The following DR1 variants were observed in gnomAD, a reference collection of about 807,000 sequenced individuals.
DR1 encodes the protein protein Dr1.
In DR1, 7 loss-of-function variants were observed where a neutral mutation model predicts 19.9. That is an observed-to-expected ratio of 0.35 (90% CI 0.20 to 0.66). The LOEUF (loss-of-function observed/expected upper bound fraction) is 0.66. Among genes scored for constraint, DR1 ranks in the 30% least tolerant of loss-of-function variants. DR1 has a pLI of 0.66. For missense variants in DR1, 98 were observed against 203.7 expected (o/e 0.48, Z 3.16); for synonymous variants, 76 against 72.5 (o/e 1.05, Z -0.24).
rs1397249935 is a variant in DR1, at chr1:93,363,233, A to C, written c.*2594A>C. ...TGAAAGTTACTATCCTGACTTCTAAAATCATAGATTAGTTTTGCCTGTTTT... is the reference window on the plus strand; with the variant it reads ...TGAAAGTTACTATCCTGACTTCTAACATCATAGATTAGTTTTGCCTGTTTT... On this transcript the variant is annotated 3_prime_UTR_variant, in exon 3 of 3. Coordinates refer to ENST00000370272, the MANE Select transcript of DR1 (RefSeq NM_001938.3). The C allele has an allele frequency of 1.3e-5, 2 of 152,166 alleles. No homozygotes were observed. The highest frequency in any genetic ancestry group is 2.9e-5 in the Non-Finnish European group (2 of 68,030). The allele number at this position is 152,166 out of a possible 1,614,324, so 9.4% of individuals were successfully genotyped here.
rs1667093796 is a variant in DR1 at position 93,364,431 on chromosome 1, C to A, written c.*3792C>A. On this transcript the variant is annotated 3_prime_UTR_variant, in exon 3 of 3. Coordinates refer to ENST00000370272, the MANE Select transcript of DR1 (RefSeq NM_001938.3). Reference sequence around the variant, plus strand: ...AACCTCATTAAAATGCATGATATTTCCTTATATAGGTTTCTAAATTATGTC... The same window carrying A: ...AACCTCATTAAAATGCATGATATTTACTTATATAGGTTTCTAAATTATGTC... The A allele has an allele frequency of 6.6e-6, 1 of 152,066 alleles. No homozygotes were observed. The highest frequency in any genetic ancestry group is 1.5e-5 in the Non-Finnish European group (1 of 68,004). The allele number at this position is 152,066 out of a possible 1,614,324, so 9.4% of individuals were successfully genotyped here. A position where few individuals can be genotyped will look rare whatever the true frequency, so the allele number is the denominator to read the frequency against.
chr1:93,350,143 TTC>T (rs1666899106), intron 1 of DR1, among the ~76,000 whole-genome samples: 1 of 152,204 alleles, frequency 6.6e-6, no homozygotes, highest in Non-Finnish European at 1.5e-5. Flanking sequence ...TATCTTTTAT[TTC>T]TGTTTTCCTT....
At chr1:93,350,132 A>G (rs1365831297) in intron 1 of DR1, among the ~76,000 whole-genome samples, 1 of 152,178 alleles carries the variant, frequency 6.6e-6, no homozygotes, top group Admixed American at 6.5e-5. Flanking sequence ...TTAAATTAAT[A>G]TATCTTTTAT....
Position 93,353,954 on chromosome 1 carries a change from A to C in DR1, c.267A>C (p.Glu89Asp). ...GCTCTTACATCAGTGAAGTAAAAGAAGTCTTGCAAGAGTGTAAAACAGTAG... is the reference window on the plus strand; with the variant it reads ...GCTCTTACATCAGTGAAGTAAAAGACGTCTTGCAAGAGTGTAAAACAGTAG... ...GFGSYISEVK[E>D]VLQECKTVAL... Residue 89 changes from glutamate to aspartate, a missense_variant, in exon 2 of 3, where the codon GAA (glutamate) becomes GAC (aspartate). By Grantham distance (45) the Glu-to-Asp change is conservative. Transcript: ENST00000370272. 6.2e-7 allele frequency: 1 copy of C among 1,612,384 alleles called. No homozygotes were observed.
Position 93,346,639 on chromosome 1 carries a change from A to C in DR1, c.-7A>C. On this transcript the variant is annotated 5_prime_UTR_variant, in exon 1 of 3. Coordinates refer to ENST00000370272, the MANE Select transcript of DR1 (RefSeq NM_001938.3). ...AAAAGCCGGGGCGCGAGAAACAGGA[A>C]GGTACTATGGCTTCCTCGTCTGGCA... 1 of 1,612,336 alleles carries C rather than the reference A, an allele frequency of 6.2e-7. No individual in the cohort carries two copies. The highest frequency in any genetic ancestry group is 8.5e-7 in the Non-Finnish European group (1 of 1,178,846).
At chr1:93,360,174 T>C (rs1445733097) in intron 2 of DR1, among the ~76,000 whole-genome samples, 5 of 151,918 alleles carry the variant, frequency 3.3e-5, no homozygotes, top group Non-Finnish European at 2.9e-5. Context: ...TTGTGGGTTT[T>C]TCACAATATT....
At position 93,366,263 on chromosome 1, in the gene DR1, A is replaced by G. The variant is rs1033971423; in HGVS notation, c.*5624A>G. 4 of 152,336 alleles carry G rather than the reference A, an allele frequency of 2.6e-5. No individual in the cohort carries two copies. The highest frequency in any genetic ancestry group is 9.6e-5 in the African/African-American group (4 of 41,578). The allele number at this position is 152,336 out of a possible 1,614,324, so 9.4% of individuals were successfully genotyped here. On this transcript the variant is annotated 3_prime_UTR_variant, in exon 3 of 3. Transcript: ENST00000370272. ...TCTTAAAGGCCAAATATGCCGTAGT[A>G]TGTAAATACCGTATTTTGTTTATCA...
At position 93,361,778 on chromosome 1, in the gene DR1, T is replaced by G. The variant is rs1324623907; in HGVS notation, c.*1139T>G. On this transcript the variant is annotated 3_prime_UTR_variant, in exon 3 of 3. Coordinates refer to ENST00000370272, the MANE Select transcript of DR1 (RefSeq NM_001938.3). ...GATCAGCCCTATATGAATTAACTGA[T>G]CAGCCCTATATGAAACATAAGTTGT... is the stretch of plus-strand genomic sequence containing the variant. 6.6e-6 allele frequency: 1 copy of G among 152,478 alleles called. No homozygotes were observed. The highest frequency in any genetic ancestry group is 1.5e-5 in the Non-Finnish European group (1 of 67,914). The allele number at this position is 152,478 out of a possible 1,614,324, so 9.4% of individuals were successfully genotyped here.
chr1:93,358,326 T>G (rs1270010111), intron 2 of DR1, among the ~76,000 whole-genome samples: 1 of 151,122 alleles, frequency 6.6e-6, no homozygotes, highest in Non-Finnish European at 1.5e-5. Flanking sequence ...TGTTGCCATA[T>G]GGGGCTATCG....
rs1331045694 is a variant in DR1, at chr1:93,367,195, A to T, written c.*6556A>T. On this transcript the variant is annotated 3_prime_UTR_variant, in exon 3 of 3. Transcript: ENST00000370272. ...AAAATTATTTACCCAATATTTGGCG[A>T]ATCAGTGAGTGACAGCAGTTGTAGT... 1 of 151,898 alleles carries T rather than the reference A, an allele frequency of 6.6e-6. No individual in the cohort carries two copies. Among genetic ancestry groups the T allele is most frequent in the African/African-American group, 2.4e-5 (1 of 41,292 alleles). The allele number at this position is 151,898 out of a possible 1,614,324, so 9.4% of individuals were successfully genotyped here. A position where few individuals can be genotyped will look rare whatever the true frequency, so the allele number is the denominator to read the frequency against.
chr1:93,357,518 A>AAAATAAATAAAT (rs3067471), intron 2 of DR1, among the ~76,000 whole-genome samples: 1,995 of 149,188 alleles, frequency 0.013, 23 homozygotes, highest in South Asian at 0.036. Context: ...CCCCATCTCT[A>AAAATAAATAAAT]AAATAAATAA....
chr1:93,354,818 A>G (rs1666958593), intron 2 of DR1, among the ~76,000 whole-genome samples: 2 of 152,188 alleles, frequency 1.3e-5, no homozygotes, highest in African/African-American at 4.8e-5. Flanking sequence ...TTTGGTTTAC[A>G]TCAAACTGCA....
rs1667089304 is a variant in DR1 at position 93,363,899 on chromosome 1, T to C, written c.*3260T>C. On this transcript the variant is annotated 3_prime_UTR_variant, in exon 3 of 3. Coordinates refer to ENST00000370272, the MANE Select transcript of DR1 (RefSeq NM_001938.3). ...ATCCAAAAGTTATTCATTCTCCCAT[T>C]AATAGTCTTTTGAGAATTTTTCAAT... 6.6e-6 allele frequency: 1 copy of C among 152,252 alleles called. No homozygotes were observed. Among genetic ancestry groups the C allele is most frequent in the Non-Finnish European group, 1.5e-5 (1 of 68,038 alleles). 9.4% of individuals were successfully genotyped at this position (152,252 alleles called of 1,614,324 possible).
At chr1:93,353,493 T>A (rs181654397) in intron 1 of DR1, among the ~76,000 whole-genome samples, 3 of 152,224 alleles carry the variant, frequency 2.0e-5, no homozygotes, top group Admixed American at 2.0e-4. Flanking sequence ...GTTCTTTTAT[T>A]CTGTCCTACC....
rs1280841194 is a variant in DR1 at position 93,360,613 on chromosome 1, G to A, written c.505G>A (p.Asp169Asn). ...ATCTAATCAGGCGGGATCTTCTCAG[G>A]ATGAAGAAGATGATGATGATATCTG... is the stretch of plus-strand genomic sequence containing the variant. ...SASNQAGSSQ[D>N]EEDDDDI Residue 169 changes from aspartate to asparagine, a missense_variant, in exon 3 of 3, where the codon GAT becomes AAT. Physicochemically the swap from Asp to Asn is conservative, Grantham distance 23 (BLOSUM62 1). Transcript: ENST00000370272. The A allele has an allele frequency of 9.4e-6, 15 of 1,589,290 alleles. No homozygotes were observed. The highest frequency in any genetic ancestry group is 1.2e-5 in the Non-Finnish European group (14 of 1,171,592).
Position 93,367,587 on chromosome 1 carries a change from C to T in DR1, c.*6948C>T, listed in dbSNP as rs1667182257. 1 of 152,208 alleles carries T rather than the reference C, an allele frequency of 6.6e-6. No homozygotes were observed. Among genetic ancestry groups the T allele is most frequent in the South Asian group, 2.1e-4 (1 of 4,832 alleles). 9.4% of individuals were successfully genotyped at this position (152,208 alleles called of 1,614,324 possible). Reference sequence around the variant, plus strand: ...GGGACCATTTAGCTGTACCAATTCACCTAACGTGCATCTTTGGGAATTGAG... The same window carrying T: ...GGGACCATTTAGCTGTACCAATTCATCTAACGTGCATCTTTGGGAATTGAG... On this transcript the variant is annotated 3_prime_UTR_variant, in exon 3 of 3. Coordinates refer to ENST00000370272, the MANE Select transcript of DR1 (RefSeq NM_001938.3).
At chr1:93,356,744 T>C (rs1666991241) in intron 2 of DR1, among the ~76,000 whole-genome samples, 1 of 148,628 alleles carries the variant, frequency 6.7e-6, no homozygotes, top group Non-Finnish European at 1.5e-5. Flanking sequence ...TTTTTTGAGA[T>C]GGAGTCTTGC....
At position 93,365,890 on chromosome 1, in the gene DR1, T is replaced by C. The variant is rs1667122264; in HGVS notation, c.*5251T>C. On this transcript the variant is annotated 3_prime_UTR_variant, in exon 3 of 3. Transcript: ENST00000370272. The stretch of plus-strand genomic sequence containing the variant: ...CAGATGAGGTATGCTATTTCATAAC[T>C]AGTACATCTTTTAATAAGCATTTTT... 6.6e-6 allele frequency: 1 copy of C among 152,214 alleles called. No homozygotes were observed. Among genetic ancestry groups the C allele is most frequent in the African/African-American group, 2.4e-5 (1 of 41,458 alleles). 9.4% of individuals were successfully genotyped at this position (152,214 alleles called of 1,614,324 possible). A position where few individuals can be genotyped will look rare whatever the true frequency, so the allele number is the denominator to read the frequency against.
rs180966059 is a variant in DR1 at position 93,346,084 on chromosome 1, C to G, written c.-562C>G. ...TAGTTCCCAGGCGGCCGTCGCCGTT[C>G]CAGCAGCGGCAGCGGCAGCGGCAGC... On this transcript the variant is annotated 5_prime_UTR_variant, in exon 1 of 3. Coordinates refer to ENST00000370272, the MANE Select transcript of DR1 (RefSeq NM_001938.3). 2.1e-3 allele frequency: 443 copies of G among 212,620 alleles called. 1 individual carries two copies. Among genetic ancestry groups the G allele is most frequent in the African/African-American group, 9.7e-3 (405 of 41,868 alleles). 13.2% of individuals were successfully genotyped at this position (212,620 alleles called of 1,614,324 possible). A position where few individuals can be genotyped will look rare whatever the true frequency, so the allele number is the denominator to read the frequency against.
Sources: gnomAD v4.1 joint callset for allele counts (sites outside exome capture counted in the v4.1 genomes callset) on GRCh38, gnomAD v4.1.1 for gene constraint, MANE v1.5 for transcripts, NCBI Gene and HGNC (gene_info 2026-07-23, HGNC 2026-07-21) for gene names.